CPED1: variants seen among roughly 807,000 people sequenced by gnomAD.
The protein encoded by CPED1 is cadherin-like and PC-esterase domain-containing protein 1.
In CPED1, 114 loss-of-function variants were observed where a neutral mutation model predicts 128.2. The ratio of observed to expected loss-of-function variants is 0.89; its 90% CI spans 0.76 to 1.04. CPED1 has a LOEUF of 1.04. CPED1 is among the 50% of genes least tolerant of loss of function. The probability of loss-of-function intolerance (pLI) is 0.00; values close to 1 mark genes in which losing one functional copy is unlikely to be tolerated. For synonymous variants in CPED1, 462 were observed against 426.7 expected, an observed-to-expected ratio of 1.08 and a Z score of -1.02; for missense variants, 1,211 against 1,207.1, an observed-to-expected ratio of 1.00 and a Z score of -0.05.
chr7:121,161,430 C>G (rs910893645), intron 16 of CPED1, among the ~76,000 whole-genome samples: 2 of 152,170 alleles, frequency 1.3e-5, no homozygotes, highest in African/African-American at 4.8e-5. Flanking sequence ...GGGACTCTCA[C>G]ACCTTGAATC....
At chr7:121,061,610 C>T (rs772688465) in intron 4 of CPED1, among the ~76,000 whole-genome samples, 3 of 151,842 alleles carry the variant, frequency 2.0e-5, no homozygotes, top group Non-Finnish European at 4.4e-5. Context: ...GCTGTGAACC[C>T]AAAACAGCTA....
chr7:121,024,271 A>AC (rs1190181630), intron 3 of CPED1, among the ~76,000 whole-genome samples: 1 of 152,106 alleles, frequency 6.6e-6, no homozygotes, highest in Non-Finnish European at 1.5e-5. Context: ...TTTTTGAAAA[A>AC]AATTTTCTTA....
chr7:121,224,778 C>T lies in CPED1; in HGVS notation c.2056-11936C>T, dbSNP rs571914422. Among the ~76,000 whole-genome samples, 32 of 137,664 alleles carry T rather than the reference C, an allele frequency of 2.3e-4. No homozygotes were observed. In the South Asian group the frequency reaches 6.1e-3, roughly 26 times the overall value. 90.3% of individuals were successfully genotyped at this position (137,664 alleles called of 152,430 possible). A position where few individuals can be genotyped will look rare whatever the true frequency, so the allele number is the denominator to read the frequency against. On this transcript the variant is annotated intron_variant, in intron 16 of 22. Transcript: ENST00000310396. ...TCTATTTTATCAGAGACTAGGATTG[C>T]AACCCCTGCTTTTTTTTTTTTTTTT...
At chr7:121,152,542 G>T (rs980085818) in intron 16 of CPED1, among the ~76,000 whole-genome samples, 1 of 152,190 alleles carries the variant, frequency 6.6e-6, no homozygotes, top group Admixed American at 6.5e-5. Flanking sequence ...GTCATACATG[G>T]ATAGTAATGA....
chr7:121,237,942 T>C (rs574560731), intron 17 of CPED1, among the ~76,000 whole-genome samples: 1 of 152,184 alleles, frequency 6.6e-6, no homozygotes. Flanking sequence ...GATTTGTGAT[T>C]CTCTGCTAAA....
At chr7:120,998,684 C>G (rs1297364030) in intron 2 of CPED1, among the ~76,000 whole-genome samples, 1 of 152,092 alleles carries the variant, frequency 6.6e-6, no homozygotes, top group Non-Finnish European at 1.5e-5. Context: ...TCTCTATCCC[C>G]CAGCCTCTAA....
chr7:121,201,972 A>G (rs1254296921), intron 16 of CPED1, among the ~76,000 whole-genome samples: 1 of 152,178 alleles, frequency 6.6e-6, no homozygotes, highest in Non-Finnish European at 1.5e-5. Flanking sequence ...AGTTGGGTAT[A>G]GCATAGCAAA....
At chr7:121,251,470 ATCAGGCAGGAGAAGGAAATAAAGGGCAT>A (rs1329327865) in intron 18 of CPED1, among the ~76,000 whole-genome samples, 1 of 152,104 alleles carries the variant, frequency 6.6e-6, no homozygotes, top group Non-Finnish European at 1.5e-5. Flanking sequence ...GGCCAGGGCA[ATCAGGCAGGAGAAGGAAATAAAGGGCAT>A]TCAATTAGGA....
intron 16 of CPED1, among the ~76,000 whole-genome samples, chr7:121,184,720 T>G (rs949344532): frequency 1.3e-5 from 2 of 152,076 alleles, no homozygotes; most frequent in Non-Finnish European, 2.9e-5. Context: ...AAAAAATCAT[T>G]GTAAAATAGA....
chr7:121,125,708 T>G, intron 8 of CPED1, 112 bp from the exon 9 acceptor site: 1 of 712,846 alleles, frequency 1.4e-6, no homozygotes, highest in Non-Finnish European at 2.5e-6. Context: ...ATCCAGTCTA[T>G]CATTAATGGG....
At chr7:121,208,119 A>C (rs541572726) in intron 16 of CPED1, among the ~76,000 whole-genome samples, 1 of 151,994 alleles carries the variant, frequency 6.6e-6, no homozygotes, top group Admixed American at 6.6e-5. Flanking sequence ...CCCCACCCCC[A>C]TCATCATTAA....
chr7:121,212,686 G>T (rs1389851985), intron 16 of CPED1, among the ~76,000 whole-genome samples: 3 of 90,990 alleles, frequency 3.3e-5, no homozygotes, highest in Non-Finnish European at 4.6e-5. Flanking sequence ...TCTGTTAAAG[G>T]AATTCATTGG....
In CPED1 at chr7:121,136,001, T is replaced by C. The variant is rs1219729406; in HGVS notation, c.1649-39T>C. 2.1e-6 allele frequency: 3 copies of C among 1,400,680 alleles called. No homozygotes were observed. In the South Asian group the frequency reaches 4.2e-5, roughly 20 times the overall value. The allele number at this position is 1,400,680 out of a possible 1,614,324, so 86.8% of individuals were successfully genotyped here. On this transcript the variant is annotated intron_variant, in intron 13 of 22. Transcript: ENST00000310396. ...ATGTATATTTTAACATTTTGATTAA[T>C]GGTTTTTATTTTAAATTTACATTTC...
chr7:121,208,991 A>C (rs1410234865), intron 16 of CPED1, among the ~76,000 whole-genome samples: 1 of 152,068 alleles, frequency 6.6e-6, no homozygotes, highest in African/African-American at 2.4e-5. Flanking sequence ...GACCTACGGA[A>C]AAAGGAAAGC....
At chr7:121,280,916 A>G (rs772149039) in intron 22 of CPED1, among the ~76,000 whole-genome samples, 15 of 152,172 alleles carry the variant, frequency 9.9e-5, no homozygotes, top group Non-Finnish European at 1.5e-4. Context: ...TCAACAGTAT[A>G]CATTTGTCTT....
intron 16 of CPED1, among the ~76,000 whole-genome samples, chr7:121,211,524 A>G (rs889011458): frequency 3.3e-5 from 5 of 152,166 alleles, no homozygotes; most frequent in African/African-American, 1.2e-4. Flanking sequence ...GTGTTAGCTC[A>G]GTTCTGCTAG....
At chr7:121,001,282 C>T (rs1791849304) in intron 2 of CPED1, among the ~76,000 whole-genome samples, 1 of 152,140 alleles carries the variant, frequency 6.6e-6, no homozygotes, top group South Asian at 2.1e-4. Context: ...AGTCAGAATG[C>T]AACATATCTT....
intron 2 of CPED1, among the ~76,000 whole-genome samples, chr7:121,013,122 C>T (rs187473587): frequency 6.6e-6 from 1 of 152,230 alleles, no homozygotes; most frequent in East Asian, 1.9e-4. Flanking sequence ...ATCTGTCTTC[C>T]CCTTTCACCT....
chr7:121,077,211 A>T (rs1336897450), intron 5 of CPED1, among the ~76,000 whole-genome samples: 6 of 152,080 alleles, frequency 3.9e-5, no homozygotes, highest in Non-Finnish European at 8.8e-5. Context: ...CTCTCTATTT[A>T]TCAAAAATGA....
Sources: gnomAD v4.1 joint callset for allele counts (sites outside exome capture counted in the v4.1 genomes callset) on GRCh38, gnomAD v4.1.1 for gene constraint, MANE v1.5 for transcripts, NCBI Gene and HGNC (gene_info 2026-07-23, HGNC 2026-07-21) for gene names.